TMEM254: variants seen among roughly 807,000 people sequenced by gnomAD.
TMEM254 encodes transmembrane protein 254.
In TMEM254, 16 loss-of-function variants were observed where a neutral mutation model predicts 13.9. The ratio of observed to expected loss-of-function variants is 1.15; its 90% confidence interval spans 0.78 to 1.75. The LOEUF (loss-of-function observed/expected upper bound fraction) is 1.75, where lower values mean the gene tolerates loss of function less well. Among genes scored for constraint, TMEM254 ranks in the 40% most tolerant of loss-of-function variants. The probability of loss-of-function intolerance (pLI) is 0.00; values close to 1 mark genes in which losing one functional copy is unlikely to be tolerated. For missense variants in TMEM254, 155 were observed against 149.0 expected, an observed-to-expected ratio of 1.04 and a Z score of -0.21; for synonymous variants, 61 against 56.4, an observed-to-expected ratio of 1.08 and a Z score of -0.36.
At position 80,091,054 on chromosome 10, in the gene TMEM254, C is replaced by T. The variant is rs752666533; in HGVS notation, c.*137C>T. 1.9e-5 allele frequency: 22 copies of T among 1,139,158 alleles called. No homozygotes were observed. The highest frequency in any genetic ancestry group is 5.0e-5 in the East Asian group (2 of 39,958). The allele number at this position is 1,139,158 out of a possible 1,614,324, so 70.6% of individuals were successfully genotyped here. ...CCTTCAAAGCTCTTTAAGACCCCCT[C>T]GTTAGTCAGTTTTTTCTCTTATATG... is the stretch of plus-strand genomic sequence containing the variant. On this transcript the variant is annotated 3_prime_UTR_variant, in exon 4 of 4. Coordinates refer to ENST00000372281, the MANE Select transcript of TMEM254 (RefSeq NM_025125.4).
chr10:80,088,626 G>T (rs1844426734), intron 3 of TMEM254, among the ~76,000 whole-genome samples: 2 of 151,326 alleles, frequency 1.3e-5, no homozygotes, highest in East Asian at 3.9e-4. Flanking sequence ...TATTATAAAT[G>T]ACTTTTTTTT....
At chr10:80,079,183 C>T (rs1240585093) in intron 1 of TMEM254, 1 of 465,572 alleles carries the variant, frequency 2.1e-6, no homozygotes, top group Admixed American at 3.1e-5. Context: ...GGCTACTTCG[C>T]GGTGAGGCGT....
intron 3 of TMEM254, among the ~76,000 whole-genome samples, chr10:80,083,105 C>CTT (rs57014602): frequency 0.28 from 29,979 of 106,238 alleles, 5,454 homozygotes; most frequent in Non-Finnish European, 0.33. Flanking sequence ...ATAAGCTAGA[C>CTT]TTTTTTTTTT....
At chr10:80,085,988 A>G (rs1844294611) in intron 3 of TMEM254, among the ~76,000 whole-genome samples, 1 of 152,194 alleles carries the variant, frequency 6.6e-6, no homozygotes, top group South Asian at 2.1e-4. Flanking sequence ...ATTTTATTAC[A>G]GTGTAGAAAC....
chr10:80,079,385 G>A (rs777835437), intron 1 of TMEM254: 8 of 1,124,502 alleles, frequency 7.1e-6, no homozygotes, highest in Non-Finnish European at 8.8e-6. Flanking sequence ...ACCTCTGCAT[G>A]GTTACTAACG....
Position 80,082,131 on chromosome 10 carries a change from T to G in TMEM254, c.192-14T>G, listed in dbSNP as rs1844067175. 8 of 1,614,196 alleles carry G rather than the reference T, an allele frequency of 5.0e-6. No individual in the cohort carries two copies. The highest frequency in any genetic ancestry group is 4.2e-6 in the Non-Finnish European group (5 of 1,180,006). ...TATCACCTTAAAAAAGATTAACCTT[T>G]TTTTTGGTTTCAGGTATTGGCTTGC... On this transcript the variant is annotated splice_polypyrimidine_tract_variant and intron_variant, in intron 2 of 3. Transcript: ENST00000372281.
intron 3 of TMEM254, 53 bp downstream of exon 3, chr10:80,082,257 T>C (rs1844076506): frequency 6.3e-7 from 1 of 1,591,166 alleles, no homozygotes. Context: ...CTAATATAAA[T>C]TGAGAGCAGC....
chr10:80,079,203 C>CGGGGGGGG, intron 1 of TMEM254: 1 of 345,636 alleles, frequency 2.9e-6, no homozygotes, highest in Non-Finnish European at 5.1e-6. Context: ...TGGGGTGGGG[C>CGGGGGGGG]GGGGCGGGCC....
chr10:80,090,398 A>C lies in TMEM254; in HGVS notation c.252-399A>C, dbSNP rs772979947. Reference sequence around the variant, plus strand: ...TTTTCAGATGAGAAAACTGATTCTGAGAGATTCTGAGTGATTTGCCCAGGT... The same window carrying C: ...TTTTCAGATGAGAAAACTGATTCTGCGAGATTCTGAGTGATTTGCCCAGGT... On this transcript the variant is annotated intron_variant, in intron 3 of 3. Transcript: ENST00000372281. 1.7e-5 allele frequency: 12 copies of C among 717,650 alleles called. No individual in the cohort carries two copies. The South Asian group carries it at 1.8e-4, about 11-fold the overall frequency. The allele number at this position is 717,650 out of a possible 1,614,324, so 44.5% of individuals were successfully genotyped here.
At chr10:80,083,041 T>C (rs1189021135) in intron 3 of TMEM254, among the ~76,000 whole-genome samples, 1 of 151,970 alleles carries the variant, frequency 6.6e-6, no homozygotes, top group African/African-American at 2.4e-5. Context: ...TGTCAGAGAC[T>C]GCTAAGTATG....
chr10:80,088,767 C>CAA (rs10670160), intron 3 of TMEM254, among the ~76,000 whole-genome samples: 51,893 of 117,682 alleles, frequency 0.44, 10,996 homozygotes, highest in East Asian at 0.71. Flanking sequence ...GACTCCGTCT[C>CAA]AAAAAAAAAA....
At chr10:80,082,117 A>G in intron 2 of TMEM254, 28 bp from the exon 3 acceptor site, 1 of 1,613,874 alleles carries the variant, frequency 6.2e-7, no homozygotes, top group Non-Finnish European at 8.5e-7. Context: ...ATCACCTTAA[A>G]AAAGATTAAC....
intron 1 of TMEM254, chr10:80,081,594 G>C: frequency 8.0e-7 from 1 of 1,245,872 alleles, no homozygotes; most frequent in Non-Finnish European, 1.1e-6. Flanking sequence ...ATTGAGCCCA[G>C]ATGGTGGAGG....
chr10:80,078,972 G>A, intron 1 of TMEM254, 186 bp downstream of exon 1: 1 of 1,539,882 alleles, frequency 6.5e-7, no homozygotes, highest in South Asian at 1.2e-5. Flanking sequence ...GTCCGCCAGG[G>A]TCTTGGGCGG....
chr10:80,087,812 AC>A (rs1844387953), intron 3 of TMEM254, among the ~76,000 whole-genome samples: 1 of 152,136 alleles, frequency 6.6e-6, no homozygotes, highest in Admixed American at 6.5e-5. Flanking sequence ...TCCTATTCTT[AC>A]CTGTTTATAG....
intron 3 of TMEM254, among the ~76,000 whole-genome samples, chr10:80,089,764 G>A (rs952855851): frequency 2.6e-5 from 4 of 152,224 alleles, no homozygotes; most frequent in African/African-American, 9.6e-5. Context: ...AGCACTTTGG[G>A]AGGCCGAGGT....
rs542622833 is a variant in TMEM254 at position 80,083,933 on chromosome 10, A to G, written c.251+1729A>G. Among the ~76,000 whole-genome samples, 81 of 152,094 alleles carry G rather than the reference A, an allele frequency of 5.3e-4. 3 individuals carry two copies. The South Asian group carries it at 0.016, about 31-fold the overall frequency. On this transcript the variant is annotated intron_variant, in intron 3 of 3. Coordinates refer to ENST00000372281, the MANE Select transcript of TMEM254 (RefSeq NM_025125.4). ...CTCTACTAAAAATACAAAAAATACT[A>G]AAAAAGCCAGGCATGGTGGTGCGTG...
chr10:80,086,398 T>C (rs777471232), intron 3 of TMEM254: 5 of 422,548 alleles, frequency 1.2e-5, no homozygotes, highest in Non-Finnish European at 2.1e-5. Context: ...TGGCAACTCA[T>C]CTTTATTTTT....
At chr10:80,082,268 C>T in intron 3 of TMEM254, 64 bp downstream of exon 3, 1 of 1,563,410 alleles carries the variant, frequency 6.4e-7, no homozygotes, top group Non-Finnish European at 8.8e-7. Flanking sequence ...TGAGAGCAGC[C>T]ACATTTAAAT....
Sources: allele counts gnomAD v4.1 joint callset (sites outside exome capture counted in the v4.1 genomes callset), GRCh38; gene constraint gnomAD v4.1.1; transcripts MANE v1.5; gene names NCBI Gene and HGNC (gene_info 2026-07-23, HGNC 2026-07-21).